The following CYP2J2 variants were observed in gnomAD, a reference collection of about 807,000 sequenced individuals.
The protein encoded by CYP2J2 is cytochrome P450 family 2 subfamily J member 2.
A neutral mutation model predicts 48.8 loss-of-function variants in CYP2J2; 41 were observed. The ratio of observed to expected loss-of-function variants is 0.84; its 90% CI spans 0.66 to 1.09. The LOEUF is 1.09. Among genes scored for constraint, CYP2J2 ranks in the 50% least tolerant of loss-of-function variants. The pLI, the probability that CYP2J2 is intolerant of heterozygous loss-of-function variation, is 0.00. For synonymous variants in CYP2J2, 221 were observed against 227.1 expected (o/e 0.97, Z 0.24); for missense variants, 644 against 617.3 (o/e 1.04, Z -0.46).
chr1:59,921,449 A>C (rs1283957358), intron 1 of CYP2J2, among the ~76,000 whole-genome samples: 1 of 152,148 alleles, frequency 6.6e-6, no homozygotes, highest in African/African-American at 2.4e-5. Context: ...CACATCACCA[A>C]GATTCCTATC....
chr1:59,946,724 A>C, the CYP2J2 span, among the ~76,000 whole-genome samples: 1 of 152,338 alleles, frequency 6.6e-6, no homozygotes, highest in African/African-American at 2.4e-5. Flanking sequence ...AAAGATGATG[A>C]AGAGATTAGA....
At chr1:59,925,484 T>G (rs1456815019) in intron 1 of CYP2J2, among the ~76,000 whole-genome samples, 1 of 152,214 alleles carries the variant, frequency 6.6e-6, no homozygotes, top group Non-Finnish European at 1.5e-5. Flanking sequence ...GTATGATGTT[T>G]GACCACAATG....
Position 59,893,396 on chromosome 1 carries a change from T to C in CYP2J2, c.*255A>G, listed in dbSNP as rs1417703051. 5.4e-6 allele frequency: 2 copies of C among 368,662 alleles called. No individual in the cohort carries two copies. The highest frequency in any genetic ancestry group is 4.6e-5 in the Admixed American group (1 of 21,890). 22.8% of individuals were successfully genotyped at this position (368,662 alleles called of 1,614,324 possible). A position where few individuals can be genotyped will look rare whatever the true frequency, so the allele number is the denominator to read the frequency against. The stretch of plus-strand genomic sequence containing the variant: ...TTGATTCTTACAAGAACTTTCTTTA[T>C]GGAAGGAAACATTATCCTCTTTTCA... On this transcript the variant is annotated 3_prime_UTR_variant, in exon 9 of 9. Transcript: ENST00000371204.
chr1:59,926,676 C>T lies in CYP2J2; in HGVS notation c.71G>A (p.Gly24Asp), dbSNP rs1172894676. The T allele has an allele frequency of 4.3e-6, 7 of 1,614,046 alleles. No homozygotes were observed. In the African/African-American group the frequency reaches 9.3e-5, roughly 22 times the overall value. ...AVVHPRTLLL[G>D]TVAFLLAADF... ...AGCAGCGAGCAGAAAGGCGACAGTG[C>T]CCAGTAGGAGAGTCCGAGGATGGAC... The change falls in exon 1 of 9, where the codon GGC becomes GAC. Residue 24 changes from glycine to aspartate, a missense_variant. Coordinates refer to ENST00000371204, the MANE Select transcript of CYP2J2 (RefSeq NM_000775.4).
chr1:59,967,723 A>G, the CYP2J2 span, among the ~76,000 whole-genome samples: 2 of 152,186 alleles, frequency 1.3e-5, no homozygotes, highest in Non-Finnish European at 2.9e-5. Flanking sequence ...TCCCTATCTC[A>G]TGAGAAGAAA....
At chr1:59,940,377 T>A in the CYP2J2 span, among the ~76,000 whole-genome samples, 14 of 152,286 alleles carry the variant, frequency 9.2e-5, no homozygotes, top group East Asian at 2.7e-3. Flanking sequence ...GGTAGCTAAG[T>A]CCTGGAAAGG....
At chr1:59,932,022 T>C in the CYP2J2 span, among the ~76,000 whole-genome samples, 2 of 152,158 alleles carry the variant, frequency 1.3e-5, no homozygotes, top group Non-Finnish European at 2.9e-5. Context: ...ATTGATGTGG[T>C]GTATTATTTT....
intron 6 of CYP2J2, among the ~76,000 whole-genome samples, chr1:59,906,736 G>A: frequency 6.6e-6 from 1 of 152,064 alleles, no homozygotes. Flanking sequence ...GAATCATACA[G>A]TGCTTATCTG....
chr1:59,915,914 C>T lies in CYP2J2; in HGVS notation c.373+24G>A, dbSNP rs11572244. On this transcript the variant is annotated intron_variant, in intron 2 of 8. Coordinates refer to ENST00000371204, the MANE Select transcript of CYP2J2 (RefSeq NM_000775.4). Reference sequence around the variant, plus strand: ...TAGGACTATCAACATCAAACACTCACCTTTCGTTGGCCAAGAAACTTACCA... The same window carrying T: ...TAGGACTATCAACATCAAACACTCATCTTTCGTTGGCCAAGAAACTTACCA... 610 of 1,607,540 alleles carry T rather than the reference C, an allele frequency of 3.8e-4. No homozygotes were observed. In the African/African-American group the frequency reaches 6.4e-3, roughly 17 times the overall value.
At chr1:59,957,782 T>C in the CYP2J2 span, among the ~76,000 whole-genome samples, 1 of 151,792 alleles carries the variant, frequency 6.6e-6, no homozygotes, top group East Asian at 1.9e-4. Flanking sequence ...TTGAACTCAA[T>C]GAATAAAAAA....
Position 59,909,675 on chromosome 1 carries a change from CT to C in CYP2J2, c.861+108del, listed in dbSNP as rs1644394493. On this transcript the variant is annotated intron_variant, in intron 5 of 8. Transcript: ENST00000371204. Reference sequence around the variant, plus strand: ...AGAACTGTGAGAGAATCAATCTGTGCTATTTTAGGCACCAAGTTTGTGATCA... The same window carrying C: ...AGAACTGTGAGAGAATCAATCTGTGCATTTTAGGCACCAAGTTTGTGATCA... 7 of 721,674 alleles carry C rather than the reference CT, an allele frequency of 9.7e-6. No homozygotes were observed. The Admixed American group carries it at 1.3e-4, about 14-fold the overall frequency. The allele number at this position is 721,674 out of a possible 1,614,324, so 44.7% of individuals were successfully genotyped here. A position where few individuals can be genotyped will look rare whatever the true frequency, so the allele number is the denominator to read the frequency against.
chr1:59,904,836 C>A, intron 7 of CYP2J2, 35 bp downstream of exon 7: 1 of 1,576,944 alleles, frequency 6.3e-7, no homozygotes, highest in South Asian at 1.1e-5. Context: ...GTTTCTACCC[C>A]CCTAAAAGAT....
the CYP2J2 span, among the ~76,000 whole-genome samples, chr1:59,953,615 CAT>C: frequency 1.3e-5 from 2 of 151,924 alleles, no homozygotes; most frequent in Non-Finnish European, 2.9e-5. Flanking sequence ...TAACATATGT[CAT>C]AAAGAGCCTC....
chr1:59,923,012 T>C (rs1644531477), intron 1 of CYP2J2, among the ~76,000 whole-genome samples: 1 of 152,206 alleles, frequency 6.6e-6, no homozygotes, highest in South Asian at 2.1e-4. Flanking sequence ...GTAAAGAAAC[T>C]CCCTGCAGGA....
intron 8 of CYP2J2, among the ~76,000 whole-genome samples, chr1:59,899,289 CTATGTCT>C (rs1220021777): frequency 6.6e-6 from 1 of 152,132 alleles, no homozygotes; most frequent in African/African-American, 2.4e-5. Flanking sequence ...GAAGATAGTC[CTATGTCT>C]TATATCAGCT....
At chr1:59,932,849 T>C in the CYP2J2 span, among the ~76,000 whole-genome samples, 1 of 152,028 alleles carries the variant, frequency 6.6e-6, no homozygotes, top group Non-Finnish European at 1.5e-5. Flanking sequence ...TACAAGCACA[T>C]GGCATTATGC....
the CYP2J2 span, among the ~76,000 whole-genome samples, chr1:59,968,853 G>A: frequency 9.2e-5 from 14 of 152,330 alleles, no homozygotes; most frequent in African/African-American, 3.1e-4. Flanking sequence ...GAATGAAGCC[G>A]CGGACCCTCG....
chr1:59,951,481 A>C, the CYP2J2 span, among the ~76,000 whole-genome samples: 1 of 152,216 alleles, frequency 6.6e-6, no homozygotes, highest in Non-Finnish European at 1.5e-5. Context: ...TGAGTGTTTT[A>C]ATATTTTAAT....
chr1:59,911,974 G>T (rs1644420477), intron 3 of CYP2J2, among the ~76,000 whole-genome samples, 188 bp downstream of exon 3: 2 of 152,204 alleles, frequency 1.3e-5, no homozygotes, highest in Non-Finnish European at 2.9e-5. Context: ...CTTAAATTCA[G>T]TAATGTGTTT....
Sources: gnomAD v4.1 joint callset for allele counts (sites outside exome capture counted in the v4.1 genomes callset) on GRCh38, gnomAD v4.1.1 for gene constraint, MANE v1.5 for transcripts, NCBI Gene and HGNC (gene_info 2026-07-23, HGNC 2026-07-21) for gene names.